ABCA3: variants seen among roughly 807,000 people sequenced by gnomAD.
The protein encoded by ABCA3 is ATP binding cassette subfamily A member 3, also known as phospholipid-transporting ATPase ABCA3.
Under a neutral mutation model 172.8 loss-of-function variants are expected in ABCA3, and 88 were observed. That is an observed-to-expected ratio of 0.51 (90% CI 0.43 to 0.61). The LOEUF (loss-of-function observed/expected upper bound fraction) is 0.61. Ranked by LOEUF, ABCA3 falls within the 20% of genes least tolerant of loss-of-function variation. ABCA3 has a pLI of 0.00. For missense variants in ABCA3, 2,164 were observed against 2,301.0 expected, an observed-to-expected ratio of 0.94 and a Z score of 1.22; for synonymous variants, 1,066 against 983.8, an observed-to-expected ratio of 1.08 and a Z score of -1.56.
intron 1 of ABCA3, chr16:2,332,629 A>T: frequency 6.2e-7 from 1 of 1,600,244 alleles, no homozygotes; most frequent in Non-Finnish European, 8.5e-7. Flanking sequence ...GGGCGGCTCA[A>T]TCTTCTCCAG....
At chr16:2,322,133 G>A (rs1298790221) in intron 7 of ABCA3, among the ~76,000 whole-genome samples, 1 of 151,782 alleles carries the variant, frequency 6.6e-6, no homozygotes, top group Non-Finnish European at 1.5e-5. Context: ...GGGACACAGC[G>A]GTTGCAGTGA....
Position 2,285,619 on chromosome 16 carries a change from G to C in ABCA3, c.3306C>G (p.Leu1102=), listed in dbSNP as rs772118602. The change falls in exon 23 of 33, where the codon CTC becomes CTG. Residue 1102 remains leucine (L), a synonymous_variant. Transcript: ENST00000301732. The surrounding 1 kb of genome is among the most constrained non-coding windows in gnomAD (Gnocchi z 4.7). ...AGAATGCCATGGCGAAGAGCAGGTT[G>C]AGGGCAATGTCGAATCCCTTCCGGC... The part of the protein sequence containing the change: ...NEGRKGFDIA[L]NLLFAMAFLA... 6.4e-6 allele frequency: 10 copies of C among 1,554,878 alleles called. No individual in the cohort carries two copies. The Admixed American group carries it at 1.8e-4, about 27-fold the overall frequency.
intron 28 of ABCA3, 144 bp downstream of exon 28, chr16:2,280,883 G>T (rs978053004): frequency 1.8e-5 from 19 of 1,074,006 alleles, no homozygotes; most frequent in Non-Finnish European, 2.6e-5. Context: ...ACCTTGTCTC[G>T]CTGTCCAGAG....
At position 2,279,030 on chromosome 16, in the gene ABCA3, G is replaced by A; in HGVS notation, c.4460C>T (p.Pro1487Leu). ...LVMYARLRGI[P>L]ERHIGACVEN... ...CACGCAGGCCCCGATGTGGCGCTCA[G>A]GGATGCCCCGGAGCCGAGCGTACAT... Residue 1487 changes from proline to leucine, a missense_variant, in exon 29 of 33, where the codon CCT becomes CTT. Around this residue, in one of 3 missense-constraint regions of ABCA3, gnomAD observed 795 missense variants for 881.9 expected, o/e 0.90. Coordinates refer to ENST00000301732, the MANE Select transcript of ABCA3 (RefSeq NM_001089.3). This position sits in a 1 kb window ranked among gnomAD's most constrained non-coding sequence, Gnocchi z 4.4. 6.2e-7 allele frequency: 1 copy of A among 1,613,494 alleles called. No individual in the cohort carries two copies. Among genetic ancestry groups the A allele is most frequent in the Non-Finnish European group, 8.5e-7 (1 of 1,180,036 alleles).
At chr16:2,327,648 C>T (rs1249540827) in intron 3 of ABCA3, among the ~76,000 whole-genome samples, 2 of 152,216 alleles carry the variant, frequency 1.3e-5, no homozygotes, top group Admixed American at 1.3e-4. Context: ...CCCTAAAGAC[C>T]GGCTTTTCCT....
chr16:2,288,375 A>G (rs1342594947), intron 20 of ABCA3, 46 bp from the exon 21 acceptor site: 1 of 1,526,638 alleles, frequency 6.6e-7, no homozygotes, highest in Non-Finnish European at 8.8e-7. Context: ...CTTGGGGCCC[A>G]GCGCCTGACC....
rs1265876030 is a variant in ABCA3 at position 2,284,317 on chromosome 16, G to A, written c.3824C>T (p.Thr1275Ile). 2.5e-6 allele frequency: 4 copies of A among 1,613,728 alleles called. No individual in the cohort carries two copies. Among genetic ancestry groups the A allele is most frequent in the Non-Finnish European group, 3.4e-6 (4 of 1,180,002 alleles). ...GTAGTGGGCGGCGACCTCGGAGGAGGTGCAGTACCTCCGCGTCTCGTAGTT... is the reference window on the plus strand; with the variant it reads ...GTAGTGGGCGGCGACCTCGGAGGAGATGCAGTACCTCCGCGTCTCGTAGTT... Reference protein sequence around the residue: ...YENYETRRYCTSSEVAAHYCK... With the variant: ...YENYETRRYCISSEVAAHYCK... Residue 1275 changes from threonine to isoleucine, a missense_variant, in exon 25 of 33, where the codon ACC becomes ATC. Transcript: ENST00000301732. This position sits in a 1 kb window ranked among gnomAD's most constrained non-coding sequence, Gnocchi z 5.9.
intron 7 of ABCA3, among the ~76,000 whole-genome samples, chr16:2,321,995 C>T (rs1023356908): frequency 2.6e-5 from 4 of 152,106 alleles, no homozygotes; most frequent in East Asian, 1.9e-4. Context: ...GTCAAGAGAT[C>T]GAGACCATCC....
chr16:2,308,858 C>T (rs542085444), intron 10 of ABCA3, among the ~76,000 whole-genome samples: 33 of 152,330 alleles, frequency 2.2e-4, no homozygotes, highest in African/African-American at 7.2e-4. Context: ...CCAACACCTC[C>T]AGCCCCTCCT....
intron 7 of ABCA3, among the ~76,000 whole-genome samples, chr16:2,322,831 G>A (rs1054578598): frequency 7.2e-5 from 11 of 152,016 alleles, no homozygotes; most frequent in African/African-American, 1.9e-4. Flanking sequence ...AAGAGCTTCT[G>A]CACAACAAAG....
chr16:2,310,338 G>A (rs2093704561), intron 10 of ABCA3, among the ~76,000 whole-genome samples: 1 of 151,854 alleles, frequency 6.6e-6, no homozygotes, highest in South Asian at 2.1e-4. Context: ...AACCCGGGAG[G>A]TGGAGGTTGC....
chr16:2,314,980 C>A (rs550123108), intron 10 of ABCA3, among the ~76,000 whole-genome samples: 1 of 149,852 alleles, frequency 6.7e-6, no homozygotes, highest in Non-Finnish European at 1.5e-5. Context: ...TGGGTTCAAG[C>A]GATGCTCCTG....
Position 2,277,891 on chromosome 16 carries a change from G to A in ABCA3, c.4897C>T (p.Leu1633=). The A allele has an allele frequency of 6.2e-7, 1 of 1,609,322 alleles. No individual in the cohort carries two copies. Among genetic ancestry groups the A allele is most frequent in the Non-Finnish European group, 8.5e-7 (1 of 1,179,966 alleles). The stretch of plus-strand genomic sequence containing the variant: ...GGCCGGCACACACCTGGAAAGGTCA[G>A]GTCCACGAAGGCCTTGAACTCCTCC... ...ALEEFKAFVD[L]TFPGSVLEDE... The change falls in exon 31 of 33, where the codon CTG becomes TTG. Residue 1633 remains leucine (L), a synonymous_variant. Coordinates refer to ENST00000301732, the MANE Select transcript of ABCA3 (RefSeq NM_001089.3). The surrounding 1 kb of genome is among the most constrained non-coding windows in gnomAD (Gnocchi z 5.3).
At chr16:2,282,652 C>T (rs1314139696) in intron 26 of ABCA3, among the ~76,000 whole-genome samples, 1 of 120,860 alleles carries the variant, frequency 8.3e-6, no homozygotes, top group African/African-American at 3.2e-5. Context: ...GGACTGGGCA[C>T]CCCTCAGCCC....
At chr16:2,319,549 TAG>T in intron 8 of ABCA3, 30 bp downstream of exon 8, 1 of 1,605,198 alleles carries the variant, frequency 6.2e-7, no homozygotes, top group Non-Finnish European at 8.5e-7. Context: ...GCGCGGTTTC[TAG>T]AGTGTTGGGG....
intron 8 of ABCA3, among the ~76,000 whole-genome samples, chr16:2,318,937 G>A (rs1015606804): frequency 6.6e-6 from 1 of 151,454 alleles, no homozygotes; most frequent in Non-Finnish European, 1.5e-5. Context: ...TTTGATCTGT[G>A]TATCTGCATA....
rs149208294 is a variant in ABCA3, at chr16:2,286,738, G to A, written c.3234C>T (p.Pro1078=). The change falls in exon 22 of 33, where the codon CCC becomes CCT. Residue 1078 remains proline, a synonymous_variant. Transcript: ENST00000301732. This position sits in a 1 kb window ranked among gnomAD's most constrained non-coding sequence, Gnocchi z 5.2. ...CAGCCTGCAGGGCGCTCCGGGGCTG[G>A]GGGAAGTTGGAGACCACAATGGAGG... The part of the protein sequence containing the change: ...PHASIVVSNF[P]QPRSALQAAK... 248 of 1,613,780 alleles carry A rather than the reference G, an allele frequency of 1.5e-4. 1 individual carries two copies. The highest frequency in any genetic ancestry group is 1.8e-4 in the Non-Finnish European group (208 of 1,179,954).
rs760644085 is a variant in ABCA3 at position 2,281,055 on chromosome 16, C to T, written c.4331G>A (p.Gly1444Asp). The T allele has an allele frequency of 6.2e-7, 1 of 1,613,926 alleles. No homozygotes were observed. Among genetic ancestry groups the T allele is most frequent in the Non-Finnish European group, 8.5e-7 (1 of 1,180,026 alleles). Residue 1444 changes from glycine to aspartate, a missense_variant, in exon 28 of 33, where the codon GGT becomes GAT. By Grantham distance (94) the Gly-to-Asp change is moderately conservative. This residue lies in a region of ABCA3 where 795 missense variants were observed against 881.9 expected (regional missense o/e 0.90). Transcript: ENST00000301732. This position sits in a 1 kb window ranked among gnomAD's most constrained non-coding sequence, Gnocchi z 4.7. ...SLTSGDAFVG[G>D]HRISSDVGKV... ...TCCGACATCAGAGCTGATTCTGTGA[C>T]CCCCGACAAAGGCATCCCCAGAAGT...
At chr16:2,311,359 G>A (rs2093706437) in intron 10 of ABCA3, among the ~76,000 whole-genome samples, 1 of 152,188 alleles carries the variant, frequency 6.6e-6, no homozygotes, top group Non-Finnish European at 1.5e-5. Context: ...AAAGGGTATT[G>A]TAATGGTTTT....
Sources: gnomAD v4.1 joint callset for allele counts (sites outside exome capture counted in the v4.1 genomes callset) on GRCh38, gnomAD v4.1.1 for gene constraint, gnomAD v4.1.1 regional missense constraint, Gnocchi (gnomAD v3.1) non-coding constraint, MANE v1.5 for transcripts, NCBI Gene and HGNC (gene_info 2026-07-23, HGNC 2026-07-21) for gene names.